ROBO1: variants seen among roughly 807,000 people sequenced by gnomAD.
The protein encoded by ROBO1 is roundabout guidance receptor 1, also known as roundabout homolog 1.
Under a neutral mutation model 195.9 loss-of-function variants are expected in ROBO1, and 149 were observed. The observed-to-expected ratio is 0.76, with a 90% CI of 0.67 to 0.87. ROBO1 has a LOEUF of 0.87. Ranked by LOEUF, ROBO1 falls within the 40% of genes least tolerant of loss-of-function variation. The pLI is 0.00. For missense variants in ROBO1, 1,933 were observed against 2,068.3 expected, an observed-to-expected ratio of 0.93 and a Z score of 1.27; for synonymous variants, 816 against 733.2, an observed-to-expected ratio of 1.11 and a Z score of -1.82.
At chr3:79,494,043 C>T (rs751489160) in intron 2 of ROBO1, among the ~76,000 whole-genome samples, 13 of 152,082 alleles carry the variant, frequency 8.5e-5, no homozygotes, top group African/African-American at 2.4e-5. Flanking sequence ...ACTATTTGCT[C>T]TAAAAGTCAT....
At chr3:79,472,512 C>G (rs546285331) in intron 2 of ROBO1, among the ~76,000 whole-genome samples, 1 of 152,240 alleles carries the variant, frequency 6.6e-6, no homozygotes, top group South Asian at 2.1e-4. Context: ...TGAACCAGAG[C>G]TAAGGACTTC....
intron 25 of ROBO1, among the ~76,000 whole-genome samples, chr3:78,630,169 T>G (rs1301389031): frequency 6.6e-6 from 1 of 152,276 alleles, no homozygotes; most frequent in African/African-American, 2.4e-5. Context: ...AACACATACA[T>G]AAAACAAGGT....
At chr3:79,354,592 G>A (rs1015021620) in intron 2 of ROBO1, among the ~76,000 whole-genome samples, 2 of 152,136 alleles carry the variant, frequency 1.3e-5, no homozygotes, top group South Asian at 2.1e-4. Flanking sequence ...GTTGAGTGGC[G>A]CAATAACAAT....
intron 3 of ROBO1, among the ~76,000 whole-genome samples, chr3:78,951,370 T>C (rs968552271): frequency 4.6e-5 from 7 of 152,110 alleles, no homozygotes; most frequent in Admixed American, 6.6e-5. Context: ...CTATAAAACA[T>C]CTGATAACCA....
intron 4 of ROBO1, among the ~76,000 whole-genome samples, chr3:78,811,121 T>A (rs568112883): frequency 5.8e-4 from 89 of 152,180 alleles, no homozygotes; most frequent in Non-Finnish European, 1.2e-3. Context: ...TACAGCTTAT[T>A]AGTATCTTTC....
intron 4 of ROBO1, among the ~76,000 whole-genome samples, chr3:78,811,527 TC>T (rs1286669295): frequency 1.3e-5 from 2 of 152,114 alleles, no homozygotes; most frequent in Non-Finnish European, 2.9e-5. Flanking sequence ...AACAGCTAAA[TC>T]CTACAATATC....
At chr3:78,795,489 T>A (rs984874539) in intron 4 of ROBO1, among the ~76,000 whole-genome samples, 5 of 152,220 alleles carry the variant, frequency 3.3e-5, no homozygotes, top group African/African-American at 1.2e-4. Flanking sequence ...ATGCCATCTT[T>A]ATTGAGATCT....
At chr3:78,790,204 C>T (rs2083975139) in intron 4 of ROBO1, among the ~76,000 whole-genome samples, 1 of 152,166 alleles carries the variant, frequency 6.6e-6, no homozygotes, top group South Asian at 2.1e-4. Flanking sequence ...ACCAACACAT[C>T]CAGGTCTTAG....
At chr3:79,207,193 T>A (rs1559735226) in intron 2 of ROBO1, among the ~76,000 whole-genome samples, 2 of 152,120 alleles carry the variant, frequency 1.3e-5, no homozygotes, top group African/African-American at 4.8e-5. Flanking sequence ...AAAACATTGA[T>A]CAAACAGTTG....
chr3:79,642,155 A>G (rs2106675507), intron 1 of ROBO1, among the ~76,000 whole-genome samples: 1 of 152,326 alleles, frequency 6.6e-6, no homozygotes, highest in Non-Finnish European at 1.5e-5. Context: ...TTAGAGGCTT[A>G]CAACAGCAGA....
At chr3:79,393,173 T>C (rs1259255337) in intron 2 of ROBO1, among the ~76,000 whole-genome samples, 3 of 152,238 alleles carry the variant, frequency 2.0e-5, no homozygotes, top group Admixed American at 1.3e-4. Flanking sequence ...GCCTTTTCAA[T>C]GCCATTGAGC....
intron 2 of ROBO1, among the ~76,000 whole-genome samples, chr3:79,481,101 T>C (rs1225295860): frequency 1.3e-5 from 2 of 152,188 alleles, no homozygotes; most frequent in Non-Finnish European, 2.9e-5. Flanking sequence ...TAATTTATAA[T>C]GTATTCTACT....
At chr3:79,158,045 T>A (rs2080889796) in intron 2 of ROBO1, among the ~76,000 whole-genome samples, 1 of 151,966 alleles carries the variant, frequency 6.6e-6, no homozygotes, top group Non-Finnish European at 1.5e-5. Context: ...TGAGTATATT[T>A]GTAATTTTAA....
chr3:78,763,419 T>C (rs2083154187), intron 4 of ROBO1, among the ~76,000 whole-genome samples: 1 of 152,184 alleles, frequency 6.6e-6, no homozygotes, highest in African/African-American at 2.4e-5. Flanking sequence ...TGTGGTACTT[T>C]ATCATTTTTA....
intron 3 of ROBO1, among the ~76,000 whole-genome samples, chr3:79,071,423 A>C (rs941516992): frequency 2.0e-5 from 3 of 151,568 alleles, no homozygotes; most frequent in Admixed American, 6.6e-5. Context: ...CCCTAAAGTA[A>C]TATTAGATAA....
At chr3:79,153,414 T>A (rs2080806882) in intron 2 of ROBO1, among the ~76,000 whole-genome samples, 1 of 151,820 alleles carries the variant, frequency 6.6e-6, no homozygotes, top group East Asian at 1.9e-4. Flanking sequence ...ATTTAAAAAT[T>A]GAAATTAAAA....
At chr3:79,721,843 T>C (rs189757352) in intron 1 of ROBO1, among the ~76,000 whole-genome samples, 8 of 152,272 alleles carry the variant, frequency 5.3e-5, no homozygotes, top group East Asian at 3.9e-4. Flanking sequence ...AGAACTTTCA[T>C]TGAATTCCCA....
At chr3:78,882,411 G>A (rs968773404) in intron 4 of ROBO1, among the ~76,000 whole-genome samples, 2 of 152,172 alleles carry the variant, frequency 1.3e-5, no homozygotes, top group East Asian at 1.9e-4. Context: ...CTTTCACAAC[G>A]CCACTGTGTA....
chr3:79,319,769 C>G (rs115215721), intron 2 of ROBO1, among the ~76,000 whole-genome samples: 2 of 151,960 alleles, frequency 1.3e-5, no homozygotes, highest in South Asian at 4.1e-4. Context: ...ACACACAACT[C>G]AGAATATAAT....
Sources: allele counts gnomAD v4.1 joint callset (sites outside exome capture counted in the v4.1 genomes callset), GRCh38; gene constraint gnomAD v4.1.1; transcripts MANE v1.5; gene names NCBI Gene and HGNC (gene_info 2026-07-23, HGNC 2026-07-21).